The following PCDHA6 variants were observed in gnomAD, a reference collection of about 807,000 sequenced individuals.
The protein encoded by PCDHA6 is protocadherin alpha-6.
PCDHA6 carries 55 observed loss-of-function variants against 60.3 expected under a neutral mutation model. The observed-to-expected ratio is 0.91, with a 90% CI of 0.73 to 1.14. The LOEUF is 1.14. Ranked by LOEUF, PCDHA6 falls within the 50% of genes most tolerant of loss-of-function variation. The pLI, the probability that PCDHA6 is intolerant of heterozygous loss-of-function variation, is 0.00. For synonymous variants in PCDHA6, 652 were observed against 557.9 expected (o/e 1.17, Z -2.38); for missense variants, 1,327 against 1,256.5 (o/e 1.06, Z -0.85).
chr5:140,856,229 C>CG (rs2043871917), intron 1 of PCDHA6: 1 of 1,597,818 alleles, frequency 6.3e-7, no homozygotes, highest in Non-Finnish European at 8.6e-7. Context: ...GCTGGTGCAG[C>CG]GCCTGTTCCG....
intron 1 of PCDHA6, among the ~76,000 whole-genome samples, chr5:140,888,878 T>G (rs1280508372): frequency 6.6e-6 from 1 of 152,132 alleles, no homozygotes; most frequent in African/African-American, 2.4e-5. Flanking sequence ...ACATAAAAAT[T>G]AAAACATTAG....
intron 1 of PCDHA6, among the ~76,000 whole-genome samples, chr5:140,976,407 C>T (rs781867787): frequency 1.1e-4 from 17 of 151,868 alleles, no homozygotes; most frequent in Non-Finnish European, 2.1e-4. Flanking sequence ...AAAAATTAGC[C>T]AGGTACGGTG....
In PCDHA6 at chr5:140,843,148, T is replaced by G. The variant is rs2150353872; in HGVS notation, c.2394+12663T>G. On this transcript the variant is annotated intron_variant, in intron 1 of 3. Transcript: ENST00000529310. ...CGGGCTACAACGCGTGGCTTTCGTA[T>G]GAGCTGCAGCCAGCTGCAAGCAGCC... is the stretch of plus-strand genomic sequence containing the variant. The G allele has an allele frequency of 1.9e-5, 30 of 1,595,940 alleles. 4 individuals are homozygous for G. The highest frequency in any genetic ancestry group is 2.5e-5 in the Non-Finnish European group (29 of 1,165,574).
At chr5:140,841,478 G>T (rs2150316253) in intron 1 of PCDHA6, 16 of 1,612,980 alleles carry the variant, frequency 9.9e-6, no homozygotes, top group Non-Finnish European at 1.2e-5. Context: ...GCAGGACCTG[G>T]GGCTGGAGCT....
At chr5:140,834,897 C>T (rs1364114983) in intron 1 of PCDHA6, 11 of 1,602,496 alleles carry the variant, frequency 6.9e-6, no homozygotes, top group Non-Finnish European at 2.6e-6. Flanking sequence ...CACTTACAGA[C>T]TGAGCCCCAA....
Position 140,829,405 on chromosome 5 carries a change from C to T in PCDHA6, c.1314C>T (p.Thr438=). The T allele has an allele frequency of 2.5e-6, 4 of 1,614,154 alleles. No individual in the cohort carries two copies. Among genetic ancestry groups the T allele is most frequent in the Non-Finnish European group, 3.4e-6 (4 of 1,180,046 alleles). The part of the protein sequence containing the change: ...RDGGSPSLWA[T]ASLSVEVADM... ...GGGGCTCGCCTTCGCTGTGGGCCAC[C>T]GCCAGCTTGTCTGTGGAGGTGGCCG... Residue 438 remains threonine, a synonymous_variant, in exon 1 of 4, where the codon ACC becomes ACT. Coordinates refer to ENST00000529310, the MANE Select transcript of PCDHA6 (RefSeq NM_018909.4).
intron 1 of PCDHA6, chr5:140,834,635 G>T: frequency 6.2e-7 from 1 of 1,614,092 alleles, no homozygotes; most frequent in African/African-American, 1.3e-5. Context: ...ATGGCATTTT[G>T]TTTGTGAATT....
intron 1 of PCDHA6, chr5:140,836,884 T>A (rs1387111400): frequency 1.6e-6 from 1 of 642,656 alleles, no homozygotes; most frequent in Non-Finnish European, 2.5e-6. Flanking sequence ...TTGCACTAAT[T>A]ATTTGGAAGT....
chr5:140,935,393 C>T (rs1213341467), intron 1 of PCDHA6, among the ~76,000 whole-genome samples: 2 of 152,166 alleles, frequency 1.3e-5, no homozygotes, highest in Admixed American at 6.5e-5. Context: ...TGTTATCCCA[C>T]GGGACTCAAA....
chr5:140,868,431 G>T (rs1319024879), intron 1 of PCDHA6: 2 of 152,206 alleles, frequency 1.3e-5, no homozygotes, highest in Non-Finnish European at 2.9e-5. Flanking sequence ...GATGAGAATA[G>T]ATCATGTGGA....
intron 3 of PCDHA6, among the ~76,000 whole-genome samples, chr5:141,003,441 AGAT>A (rs2098125025): frequency 6.6e-6 from 1 of 152,122 alleles, no homozygotes; most frequent in Non-Finnish European, 1.5e-5. Context: ...CCTCCCAAGT[AGAT>A]GAAATTACAG....
chr5:140,839,339 G>C (rs2085813499), intron 1 of PCDHA6, among the ~76,000 whole-genome samples: 1 of 150,974 alleles, frequency 6.6e-6, no homozygotes, highest in Non-Finnish European at 1.5e-5. Context: ...GAAGTTGATA[G>C]GGGATCCTCC....
chr5:140,870,970 G>A, intron 1 of PCDHA6: 4 of 1,613,652 alleles, frequency 2.5e-6, no homozygotes, highest in Non-Finnish European at 3.4e-6. Context: ...CCCGTTCCGC[G>A]TGGGGCTGTA....
At chr5:140,857,947 G>C in intron 1 of PCDHA6, 1 of 1,597,414 alleles carries the variant, frequency 6.3e-7, no homozygotes, top group Non-Finnish European at 8.6e-7. Flanking sequence ...TCAGTACGAC[G>C]CGCGCTCTGG....
intron 1 of PCDHA6, among the ~76,000 whole-genome samples, chr5:140,923,449 G>A (rs189150090): frequency 6.6e-6 from 1 of 152,166 alleles, no homozygotes; most frequent in African/African-American, 2.4e-5. Flanking sequence ...GATCACCTGA[G>A]CCCAGAGAGG....
intron 1 of PCDHA6, chr5:140,969,353 C>T (rs781980010): frequency 3.7e-6 from 6 of 1,612,562 alleles, no homozygotes; most frequent in Non-Finnish European, 4.2e-6. Context: ...GTCAGGGGGT[C>T]TTCTACAAAC....
At chr5:140,888,703 G>C (rs547593291) in intron 1 of PCDHA6, among the ~76,000 whole-genome samples, 1 of 152,180 alleles carries the variant, frequency 6.6e-6, no homozygotes, top group Admixed American at 6.5e-5. Context: ...TGATTGGTAG[G>C]AATGTGAAAT....
chr5:140,869,221 A>G, intron 1 of PCDHA6: 1 of 1,613,848 alleles, frequency 6.2e-7, no homozygotes, highest in South Asian at 1.1e-5. Flanking sequence ...GGAGGAGGCC[A>G]AACACGGCAC....
intron 1 of PCDHA6, among the ~76,000 whole-genome samples, chr5:140,873,915 C>A (rs543062290): frequency 6.6e-6 from 1 of 152,284 alleles, no homozygotes; most frequent in Non-Finnish European, 1.5e-5. Flanking sequence ...CCTGCCTCAG[C>A]CTCCCAAAGT....
Sources: gnomAD v4.1 joint callset for allele counts (sites outside exome capture counted in the v4.1 genomes callset) on GRCh38, gnomAD v4.1.1 for gene constraint, MANE v1.5 for transcripts, NCBI Gene and HGNC (gene_info 2026-07-23, HGNC 2026-07-21) for gene names.